PCDHGA6: variants seen among roughly 807,000 people sequenced by gnomAD.
The protein encoded by PCDHGA6 is protocadherin gamma subfamily A, 6.
In PCDHGA6, 41 loss-of-function variants were observed where a neutral mutation model predicts 60.6. The ratio of observed to expected loss-of-function variants is 0.68; its 90% CI spans 0.53 to 0.88. PCDHGA6 has a LOEUF of 0.88. Ranked by LOEUF, PCDHGA6 falls within the 40% of genes least tolerant of loss-of-function variation. The pLI is 0.00. For missense variants in PCDHGA6, 1,312 were observed against 1,203.0 expected (o/e 1.09, Z -1.34); for synonymous variants, 594 against 524.4 (o/e 1.13, Z -1.81).
chr5:141,471,080 C>T (rs2099249652), intron 1 of PCDHGA6, among the ~76,000 whole-genome samples: 1 of 147,610 alleles, frequency 6.8e-6, no homozygotes, highest in African/African-American at 2.5e-5. Context: ...ACAGGGTCTC[C>T]CTCTGTTGTC....
Position 141,432,184 on chromosome 5 carries a change from C to T in PCDHGA6, c.2424+55677C>T, listed in dbSNP as rs774512372. 3.7e-6 allele frequency: 6 copies of T among 1,614,164 alleles called. No homozygotes were observed. The highest frequency in any genetic ancestry group is 2.2e-5 in the South Asian group (2 of 91,080). On this transcript the variant is annotated intron_variant, in intron 1 of 3. Transcript: ENST00000517434. The surrounding 1 kb of genome is among the most constrained non-coding windows in gnomAD (Gnocchi z 6.0). Reference sequence around the variant, plus strand: ...GAGGAGTTTCCCTCGTCTCTGTGACCGCCCACGACCCCGACTGTGAAGAGA... The same window carrying T: ...GAGGAGTTTCCCTCGTCTCTGTGACTGCCCACGACCCCGACTGTGAAGAGA...
chr5:141,492,471 C>T (rs937691695), intron 1 of PCDHGA6, among the ~76,000 whole-genome samples: 8 of 152,240 alleles, frequency 5.3e-5, no homozygotes, highest in Non-Finnish European at 1.0e-4. Flanking sequence ...GGTCCCAGAT[C>T]GCGGCCGCCC....
intron 1 of PCDHGA6, chr5:141,395,493 A>T: frequency 2.0e-6 from 1 of 490,474 alleles, no homozygotes; most frequent in Non-Finnish European, 3.5e-6. Context: ...ATTATCACTC[A>T]TTCACTTAAG....
At chr5:141,389,829 C>T in intron 1 of PCDHGA6, 3 of 1,613,980 alleles carry the variant, frequency 1.9e-6, no homozygotes, top group Non-Finnish European at 2.5e-6. Context: ...TGACGGTGGA[C>T]AGCCACCACT....
intron 1 of PCDHGA6, chr5:141,379,340 T>C (rs576770875): frequency 1.3e-5 from 2 of 152,350 alleles, no homozygotes; most frequent in South Asian, 4.1e-4. Flanking sequence ...TCTTCAAAGC[T>C]CATTTTCTTG....
intron 1 of PCDHGA6, chr5:141,478,743 A>G: frequency 6.5e-7 from 1 of 1,528,732 alleles, no homozygotes; most frequent in Non-Finnish European, 8.8e-7. Context: ...TTGTGGTCCC[A>G]TTTCAGGGGG....
chr5:141,498,807 C>T (rs113587634), intron 2 of PCDHGA6, among the ~76,000 whole-genome samples: 5,552 of 152,138 alleles, frequency 0.036, 136 homozygotes, highest in South Asian at 0.073. Context: ...GTGGTGCACA[C>T]CTGTAGTCCC....
intron 1 of PCDHGA6, chr5:141,414,258 TG>T: frequency 6.2e-7 from 1 of 1,613,492 alleles, no homozygotes; most frequent in Non-Finnish European, 8.5e-7. Flanking sequence ...GTCCAGTGAC[TG>T]AAGATTCACC....
At chr5:141,472,411 C>T (rs747412647) in intron 1 of PCDHGA6, among the ~76,000 whole-genome samples, 9 of 151,918 alleles carry the variant, frequency 5.9e-5, no homozygotes, top group Admixed American at 3.3e-4. Flanking sequence ...CGTGGTGGCA[C>T]GCACCTGTAT....
rs1771718244 is a variant in PCDHGA6 at position 141,375,654 on chromosome 5, A to G, written c.1571A>G (p.Gln524Arg). The G allele has an allele frequency of 6.2e-7, 1 of 1,614,106 alleles. No individual in the cohort carries two copies. ...GCCCTGCGCTCCTTCGACTATGAGC[A>G]GTTGAGAGACCTACAGCTGTGGGTG... ...LYALRSFDYEQLRDLQLWVTA... is the reference protein window; with the variant it reads ...LYALRSFDYERLRDLQLWVTA... The change falls in exon 1 of 4, where the codon CAG (glutamine) becomes CGG (arginine). Residue 524 changes from glutamine to arginine, a missense_variant. Physicochemically the swap from Gln to Arg is conservative, Grantham distance 43. Coordinates refer to ENST00000517434, the MANE Select transcript of PCDHGA6 (RefSeq NM_018919.3).
chr5:141,446,256 T>C lies in PCDHGA6; in HGVS notation c.2425-48551T>C, dbSNP rs535879308. On this transcript the variant is annotated intron_variant, in intron 1 of 3. Transcript: ENST00000517434. Reference sequence around the variant, plus strand: ...CAAGTGGTAGATCTTCAGTGAAATATTATTAACTGAATAAATACAATGGAT... The same window carrying C: ...CAAGTGGTAGATCTTCAGTGAAATACTATTAACTGAATAAATACAATGGAT... Among the ~76,000 whole-genome samples the C allele has an allele frequency of 2.0e-5, 3 of 152,310 alleles. No homozygotes were observed. The East Asian group carries it at 5.8e-4, about 29-fold the overall frequency.
In PCDHGA6 at chr5:141,485,869, G is replaced by A; in HGVS notation, c.2425-8938G>A. On this transcript the variant is annotated intron_variant, in intron 1 of 3. Coordinates refer to ENST00000517434, the MANE Select transcript of PCDHGA6 (RefSeq NM_018919.3). The surrounding 1 kb of genome is among the most constrained non-coding windows in gnomAD (Gnocchi z 5.7). ...GCACCGCAGAGCTCCGGGTATCCGT[G>A]CTGGACGTAAACGACAACGCCCCAG... is the stretch of plus-strand genomic sequence containing the variant. 1 of 1,614,176 alleles carries A rather than the reference G, an allele frequency of 6.2e-7. No individual in the cohort carries two copies. The highest frequency in any genetic ancestry group is 8.5e-7 in the Non-Finnish European group (1 of 1,180,040).
chr5:141,395,327 AAAT>A (rs760723981), intron 1 of PCDHGA6: 2 of 1,469,018 alleles, frequency 1.4e-6, no homozygotes, highest in Non-Finnish European at 1.8e-6. Flanking sequence ...AGATAGTTGA[AAAT>A]AATTTTTAAG....
intron 1 of PCDHGA6, chr5:141,420,475 A>G (rs1590231324): frequency 3.0e-6 from 2 of 665,126 alleles, no homozygotes; most frequent in Admixed American, 7.8e-5. Context: ...ATTTTAAAGC[A>G]AACTACATGG....
At chr5:141,415,257 T>G in intron 1 of PCDHGA6, 1 of 1,614,170 alleles carries the variant, frequency 6.2e-7, no homozygotes, top group Non-Finnish European at 8.5e-7. Flanking sequence ...CAGACCTCAC[T>G]CTGTACCTGG....
intron 1 of PCDHGA6, chr5:141,399,104 A>G (rs561995889): frequency 6.2e-7 from 1 of 1,613,860 alleles, no homozygotes; most frequent in South Asian, 1.1e-5. Context: ...CTGGTTGCAC[A>G]ATGTACAGTT....
rs758066525 is a variant in PCDHGA6, at chr5:141,477,331, T to C, written c.2425-17476T>C. The C allele has an allele frequency of 7.4e-6, 12 of 1,614,024 alleles. No individual in the cohort carries two copies. In the East Asian group the frequency reaches 1.1e-4, roughly 15 times the overall value. Reference sequence around the variant, plus strand: ...TCAGCCTTACTTCTTCCCTCAAGAATTACTTCACTTTGAAAACCAGTGCAG... The same window carrying C: ...TCAGCCTTACTTCTTCCCTCAAGAACTACTTCACTTTGAAAACCAGTGCAG... On this transcript the variant is annotated intron_variant, in intron 1 of 3. Coordinates refer to ENST00000517434, the MANE Select transcript of PCDHGA6 (RefSeq NM_018919.3). This position sits in a 1 kb window ranked among gnomAD's most constrained non-coding sequence, Gnocchi z 4.9.
intron 1 of PCDHGA6, chr5:141,383,514 G>C (rs778204328): frequency 6.2e-7 from 1 of 1,612,718 alleles, no homozygotes; most frequent in African/African-American, 1.3e-5. Context: ...GGGAGGAAGA[G>C]CGGGTTCACC....
intron 1 of PCDHGA6, chr5:141,377,502 A>G (rs1373807437): frequency 6.6e-6 from 1 of 152,050 alleles, no homozygotes. Flanking sequence ...AAGCTCTGAT[A>G]GGAGGATTGC....
Sources: allele counts gnomAD v4.1 joint callset (sites outside exome capture counted in the v4.1 genomes callset), GRCh38; gene constraint gnomAD v4.1.1; non-coding constraint Gnocchi (gnomAD v3.1); transcripts MANE v1.5; gene names NCBI Gene and HGNC (gene_info 2026-07-23, HGNC 2026-07-21).